SNTG2: variants seen among roughly 807,000 people sequenced by gnomAD.
SNTG2 encodes the protein syntrophin gamma 2.
A neutral mutation model predicts 70.9 loss-of-function variants in SNTG2; 74 were observed. The ratio of observed to expected loss-of-function variants is 1.04; its 90% confidence interval spans 0.86 to 1.27. The LOEUF (loss-of-function observed/expected upper bound fraction) is 1.27. Among genes scored for constraint, SNTG2 ranks in the 50% most tolerant of loss-of-function variants. The pLI is 0.00. For synonymous variants in SNTG2, 278 were observed against 273.8 expected (o/e 1.02, Z -0.15); for missense variants, 717 against 690.7 (o/e 1.04, Z -0.43).
At chr2:1,034,551 T>C (rs1411506251) in intron 1 of SNTG2, among the ~76,000 whole-genome samples, 2 of 152,236 alleles carry the variant, frequency 1.3e-5, no homozygotes, top group Non-Finnish European at 2.9e-5. Flanking sequence ...TCCACAATGG[T>C]TGAACTAATT....
chr2:1,183,048 C>T (rs1333739912), intron 8 of SNTG2, among the ~76,000 whole-genome samples: 6 of 152,218 alleles, frequency 3.9e-5, no homozygotes, highest in Non-Finnish European at 8.8e-5. Flanking sequence ...AGCCATGGCA[C>T]CTGACCTAAT....
At chr2:1,190,679 A>C (rs1310796491) in intron 8 of SNTG2, among the ~76,000 whole-genome samples, 1 of 151,772 alleles carries the variant, frequency 6.6e-6, no homozygotes, top group East Asian at 1.9e-4. Flanking sequence ...CAAAATATAT[A>C]ATTGAATATT....
At chr2:1,078,230 G>A (rs956578882) in intron 1 of SNTG2, among the ~76,000 whole-genome samples, 5 of 152,242 alleles carry the variant, frequency 3.3e-5, no homozygotes, top group Non-Finnish European at 7.3e-5. Flanking sequence ...AGTGGAGAAG[G>A]TAGAGAGGAC....
chr2:1,064,411 A>T (rs1473517288), intron 1 of SNTG2, among the ~76,000 whole-genome samples: 1 of 151,274 alleles, frequency 6.6e-6, no homozygotes, highest in Non-Finnish European at 1.5e-5. Flanking sequence ...GTATGTTTTA[A>T]TGCATTGATA....
chr2:1,172,338 G>C (rs1309636373), intron 7 of SNTG2, among the ~76,000 whole-genome samples: 2 of 152,316 alleles, frequency 1.3e-5, no homozygotes, highest in African/African-American at 4.8e-5. Context: ...TGTGTTCACA[G>C]ATCTGTCTTT....
At chr2:1,203,366 A>G (rs1673397706) in intron 8 of SNTG2, among the ~76,000 whole-genome samples, 1 of 152,202 alleles carries the variant, frequency 6.6e-6, no homozygotes, top group Non-Finnish European at 1.5e-5. Context: ...AGAGTGACAA[A>G]TGTTACACAG....
intron 7 of SNTG2, among the ~76,000 whole-genome samples, chr2:1,168,110 G>A (rs1472567901): frequency 1.4e-5 from 2 of 139,304 alleles, no homozygotes; most frequent in Non-Finnish European, 3.0e-5. Context: ...CGGCAGTACT[G>A]AAGCCTACAG....
intron 8 of SNTG2, among the ~76,000 whole-genome samples, chr2:1,181,011 G>C (rs141903930): frequency 1.3e-5 from 2 of 152,068 alleles, no homozygotes; most frequent in Admixed American, 6.6e-5. Flanking sequence ...GGTGGGAATT[G>C]AACAATGAGA....
intron 6 of SNTG2, among the ~76,000 whole-genome samples, chr2:1,155,444 T>TAC (rs541318331): frequency 1.3e-5 from 2 of 151,900 alleles, no homozygotes; most frequent in Middle Eastern, 3.2e-3. Flanking sequence ...ACCACATATG[T>TAC]ACACACACAC....
chr2:1,251,657 ACACATGCACACACCACACACACAT>A (rs1158542552), intron 12 of SNTG2, among the ~76,000 whole-genome samples: 1 of 142,986 alleles, frequency 7.0e-6, no homozygotes, highest in African/African-American at 2.7e-5. Context: ...CACACACACC[ACACATGCACACACCACACACACAT>A]CACATGCACA....
chr2:1,275,124 C>T (rs1679216479), intron 14 of SNTG2, among the ~76,000 whole-genome samples: 1 of 152,214 alleles, frequency 6.6e-6, no homozygotes, highest in African/African-American at 2.4e-5. Flanking sequence ...GGAGAACTCT[C>T]TCACTACCTA....
Position 1,225,908 on chromosome 2 carries a change from C to T in SNTG2, c.720-11980C>T, listed in dbSNP as rs959055454. 4.6e-5 allele frequency among the ~76,000 whole-genome samples: 7 copies of T among 152,126 alleles called. No individual in the cohort carries two copies. The South Asian group carries it at 8.3e-4, about 18-fold the overall frequency. ...GGGCAGGGCACAATCTGAGGGCACA[C>T]GGAGGCCCATTAACACCAGCCGTGT... On this transcript the variant is annotated intron_variant, in intron 9 of 16. Transcript: ENST00000308624.
intron 14 of SNTG2, among the ~76,000 whole-genome samples, chr2:1,270,921 T>C (rs1380195729): frequency 6.6e-6 from 1 of 152,230 alleles, no homozygotes; most frequent in Non-Finnish European, 1.5e-5. Context: ...AGCGTGTTCA[T>C]TCCTTCTCTA....
chr2:1,264,865 TTATTC>T (rs1290652652), intron 13 of SNTG2, among the ~76,000 whole-genome samples: 2 of 152,238 alleles, frequency 1.3e-5, no homozygotes, highest in African/African-American at 4.8e-5. Context: ...CTGAATTCAC[TTATTC>T]TATTCTAAGA....
At chr2:1,304,639 T>C (rs1197446910) in intron 14 of SNTG2, among the ~76,000 whole-genome samples, 1 of 151,266 alleles carries the variant, frequency 6.6e-6, no homozygotes, top group Non-Finnish European at 1.5e-5. Context: ...GGCAGGAGAA[T>C]CGCTTGAACC....
intron 1 of SNTG2, among the ~76,000 whole-genome samples, chr2:1,070,053 G>A (rs905764530): frequency 5.3e-5 from 8 of 152,052 alleles, no homozygotes; most frequent in African/African-American, 1.7e-4. Context: ...GGGGGATGGA[G>A]CAAAGCCAGT....
chr2:1,163,288 A>T (rs1487855135), intron 6 of SNTG2: 2 of 151,670 alleles, frequency 1.3e-5, no homozygotes, highest in Non-Finnish European at 2.9e-5. Context: ...TCCCAACAGG[A>T]GGTGGGTGTG....
intron 1 of SNTG2, among the ~76,000 whole-genome samples, chr2:1,071,859 TTGAA>T (rs1572362099): frequency 6.6e-6 from 1 of 152,122 alleles, no homozygotes. Context: ...TGGAGGAAAT[TTGAA>T]TGGCCAGGAT....
intron 6 of SNTG2, among the ~76,000 whole-genome samples, chr2:1,139,845 A>G (rs1668634621): frequency 6.6e-6 from 1 of 151,408 alleles, no homozygotes; most frequent in African/African-American, 2.4e-5. Context: ...AAAAAAAAAA[A>G]AAAAAATCCT....
Sources: allele counts gnomAD v4.1 joint callset (sites outside exome capture counted in the v4.1 genomes callset), GRCh38; gene constraint gnomAD v4.1.1; transcripts MANE v1.5; gene names NCBI Gene and HGNC (gene_info 2026-07-23, HGNC 2026-07-21).